C12orf76: variants seen among roughly 807,000 people sequenced by gnomAD.
C12orf76 encodes uncharacterized protein C12orf76.
Under a neutral mutation model 6.8 loss-of-function variants are expected in C12orf76, and 6 were observed. The ratio of observed to expected loss-of-function variants is 0.88; its 90% CI spans 0.48 to 1.73. The LOEUF (loss-of-function observed/expected upper bound fraction) is 1.73, where lower values mean the gene tolerates loss of function less well. C12orf76 is among the 40% of genes most tolerant of loss of function. C12orf76 has a pLI of 0.01. For synonymous variants in C12orf76, 56 were observed against 43.7 expected (o/e 1.28, Z -1.11); for missense variants, 99 against 98.2 (o/e 1.01, Z -0.03).
chr12:110,042,483 T>TC, intron 1 of C12orf76, 24 bp from the exon 2 acceptor site: 2 of 1,499,100 alleles, frequency 1.3e-6, no homozygotes, highest in Non-Finnish European at 1.9e-6. Flanking sequence ...ACAGGTTACT[T>TC]CCTAATGGCA....
chr12:110,059,286 T>A (rs935614872), intron 2 of C12orf76: 2 of 1,196,244 alleles, frequency 1.7e-6, no homozygotes, highest in African/African-American at 3.1e-5. Context: ...TTCGGGATTC[T>A]CCATATATGG....
intron 2 of C12orf76, among the ~76,000 whole-genome samples, chr12:110,062,789 T>C (rs958929643): frequency 9.4e-5 from 4 of 42,668 alleles, no homozygotes; most frequent in Non-Finnish European, 1.9e-4. Flanking sequence ...CCAGCTAATA[T>C]TTTTTTTTTT....
At chr12:110,049,827 C>G (rs533166708), upstream of C12orf76, 13 of 152,328 alleles carry the variant, frequency 8.5e-5, no homozygotes, top group African/African-American at 3.1e-4. Context: ...TTCATAGATT[C>G]CAGACATTGT....
chr12:110,057,202 G>A, exon 4 of C12orf76: 1 of 1,612,712 alleles, frequency 6.2e-7, no homozygotes, highest in Non-Finnish European at 8.5e-7. Flanking sequence ...GGCATTGCAG[G>A]TAGGATGGGC....
At chr12:110,043,888 G>A (rs78547774) in intron 1 of C12orf76, among the ~76,000 whole-genome samples, 400 of 150,770 alleles carry the variant, frequency 2.7e-3, no homozygotes, top group Non-Finnish European at 4.1e-3. Flanking sequence ...AAAATGTTAC[G>A]TTTTTAAGAC....
At chr12:110,059,876 AG>A (rs1029104510) in intron 2 of C12orf76, among the ~76,000 whole-genome samples, 1 of 152,198 alleles carries the variant, frequency 6.6e-6, no homozygotes, top group Admixed American at 6.5e-5. Context: ...TGAAAGTTAC[AG>A]GGGGAAAGAT....
At chr12:110,061,044 G>GCAGAGC (rs1411287331) in intron 2 of C12orf76, among the ~76,000 whole-genome samples, 1 of 145,986 alleles carries the variant, frequency 6.8e-6, no homozygotes, top group African/African-American at 2.6e-5. Flanking sequence ...AGTAATTCAT[G>GCAGAGC]CAGAGCCAGC....
At position 110,048,401 on chromosome 12, in the gene C12orf76, C is replaced by T; in HGVS notation, c.95G>A (p.Arg32Gln). Residue 32 changes from arginine to glutamine, a missense_variant, in exon 1 of 2, where the codon CGG becomes CAG. By Grantham distance (43) the Arg-to-Gln change is conservative. Coordinates refer to ENST00000615315, the MANE Select transcript of C12orf76 (RefSeq NM_001389625.1). ...TCGCAGCACCGCGTACGGCCGGCTCCGCTCCAGCGGATCCACGGGGCTCGG... is the reference window on the plus strand; with the variant it reads ...TCGCAGCACCGCGTACGGCCGGCTCTGCTCCAGCGGATCCACGGGGCTCGG... ...EAPSPVDPLE[R>Q]SRPYAVLRGQ... 1 of 1,516,536 alleles carries T rather than the reference C, an allele frequency of 6.6e-7. No homozygotes were observed. Among genetic ancestry groups the T allele is most frequent in the East Asian group, 2.6e-5 (1 of 38,712 alleles). The allele number at this position is 1,516,536 out of a possible 1,614,324, so 93.9% of individuals were successfully genotyped here.
upstream of C12orf76, chr12:110,050,512 G>T (rs573429448): frequency 2.5e-5 from 4 of 160,180 alleles, no homozygotes; most frequent in Admixed American, 2.4e-4. Flanking sequence ...GATAAAACAG[G>T]TTGCAGTAAA....
chr12:110,065,847 C>T (rs774705184), intron 2 of C12orf76: 1 of 1,614,128 alleles, frequency 6.2e-7, no homozygotes, highest in Non-Finnish European at 8.5e-7. Flanking sequence ...CTGGCTCTAC[C>T]CTCCTCTCTT....
chr12:110,066,678 A>T (rs1461894038), intron 1 of C12orf76, among the ~76,000 whole-genome samples: 1 of 149,896 alleles, frequency 6.7e-6, no homozygotes, highest in Non-Finnish European at 1.5e-5. Context: ...ACAAGAGCAA[A>T]ACTCTGTCTC....
chr12:110,073,371 T>A, intron 1 of C12orf76: 1 of 507,374 alleles, frequency 2.0e-6, no homozygotes, highest in Non-Finnish European at 4.0e-6. Context: ...TGGGGCTTTC[T>A]GTGCTGTCAA....
chr12:110,073,311 C>T, intron 1 of C12orf76: 1 of 451,008 alleles, frequency 2.2e-6, no homozygotes, highest in South Asian at 1.5e-5. Context: ...AAAGCACGTC[C>T]AAATTTGAAA....
chr12:110,063,462 T>C (rs1892810030), intron 2 of C12orf76, among the ~76,000 whole-genome samples: 1 of 146,954 alleles, frequency 6.8e-6, no homozygotes, highest in Admixed American at 6.8e-5. Context: ...TTTGTATTTT[T>C]TTTTTTTAGT....
chr12:110,073,491 A>T, exon 1 of C12orf76: 5 of 521,910 alleles, frequency 9.6e-6, no homozygotes, highest in South Asian at 7.0e-5. Flanking sequence ...GATCCGGGCG[A>T]CTTTGTTTGT....
chr12:110,069,042 G>A (rs1892928556), upstream of C12orf76, among the ~76,000 whole-genome samples: 1 of 152,178 alleles, frequency 6.6e-6, no homozygotes, highest in Non-Finnish European at 1.5e-5. Flanking sequence ...GAGGAAAAAA[G>A]CAAACTGGCA....
chr12:110,071,911 A>C (rs912169680), upstream of C12orf76, among the ~76,000 whole-genome samples: 1 of 152,232 alleles, frequency 6.6e-6, no homozygotes, highest in African/African-American at 2.4e-5. Flanking sequence ...CAGTTCCTCC[A>C]AGGGTGAAAC....
chr12:110,045,455 G>T (rs894171171), intron 1 of C12orf76, among the ~76,000 whole-genome samples: 19 of 151,874 alleles, frequency 1.3e-4, no homozygotes, highest in African/African-American at 4.6e-4. Flanking sequence ...GCATGGTGGC[G>T]GGCACCTGTA....
At chr12:110,070,944 T>G (rs117132356), upstream of C12orf76, among the ~76,000 whole-genome samples, 1,162 of 152,214 alleles carry the variant, frequency 7.6e-3, 8 homozygotes, top group South Asian at 0.034. Flanking sequence ...CCAACTAGCT[T>G]TTGTATTTTT....
Sources: gnomAD v4.1 joint callset for allele counts (sites outside exome capture counted in the v4.1 genomes callset) on GRCh38, gnomAD v4.1.1 for gene constraint, MANE v1.5 for transcripts, NCBI Gene and HGNC (gene_info 2026-07-23, HGNC 2026-07-21) for gene names.